Variants in PTGIS observed in about 807,000 individuals in gnomAD.
The protein encoded by PTGIS is prostacyclin synthase.
A neutral mutation model predicts 50.3 loss-of-function variants in PTGIS; 45 were observed. The ratio of observed to expected loss-of-function variants is 0.90; its 90% CI spans 0.70 to 1.15. PTGIS has a LOEUF of 1.15. Among genes scored for constraint, PTGIS ranks in the 50% most tolerant of loss-of-function variants. PTGIS has a pLI of 0.00. For synonymous variants in PTGIS, 260 were observed against 267.7 expected, an observed-to-expected ratio of 0.97 and a Z score of 0.28; for missense variants, 668 against 661.3, an observed-to-expected ratio of 1.01 and a Z score of -0.11.
intron 3 of PTGIS, among the ~76,000 whole-genome samples, chr20:49,546,797 A>G (rs530449675): frequency 6.6e-6 from 1 of 152,360 alleles, no homozygotes; most frequent in East Asian, 1.9e-4. Flanking sequence ...CACCTGGCCT[A>G]TAATAGCTGC....
intron 1 of PTGIS, among the ~76,000 whole-genome samples, chr20:49,557,078 TTTTG>T (rs1426855023): frequency 5.9e-5 from 9 of 152,342 alleles, no homozygotes; most frequent in Non-Finnish European, 8.8e-5. Context: ...GTTCTTTCTT[TTTTG>T]TTTATCTGCT....
At chr20:49,523,961 A>G in intron 6 of PTGIS, 97 bp downstream of exon 6, 2 of 1,442,986 alleles carry the variant, frequency 1.4e-6, no homozygotes, top group South Asian at 2.4e-5. Flanking sequence ...AGTCATGTGC[A>G]CACCTGCACA....
At chr20:49,558,529 C>T (rs529045765) in intron 1 of PTGIS, among the ~76,000 whole-genome samples, 2 of 152,262 alleles carry the variant, frequency 1.3e-5, no homozygotes, top group East Asian at 3.9e-4. Context: ...CAAGCATAGA[C>T]TTACTACAAG....
Position 49,507,905 on chromosome 20 carries a change from C to T in PTGIS, c.*15G>A. The T allele has an allele frequency of 6.2e-7, 1 of 1,610,064 alleles. No homozygotes were observed. Among genetic ancestry groups the T allele is most frequent in the African/African-American group, 1.3e-5 (1 of 75,066 alleles). ...CTGGGCAGAGGCGAGCACGTGGATC[C>T]ATCTGCTCCCTGTGTCATGGGCGGA... On this transcript the variant is annotated 3_prime_UTR_variant, in exon 10 of 10. Coordinates refer to ENST00000244043, the MANE Select transcript of PTGIS (RefSeq NM_000961.4).
chr20:49,568,117 C>CGCGGGGCTGGCGGGACTG lies in PTGIS; in HGVS notation c.-2_-1insCAGTCCCGCCAGCCCCGC. 1.3e-6 allele frequency: 1 copy of CGCGGGGCTGGCGGGACTG among 784,882 alleles called. No individual in the cohort carries two copies. Among genetic ancestry groups the CGCGGGGCTGGCGGGACTG allele is most frequent in the Non-Finnish European group, 1.8e-6 (1 of 568,998 alleles). The allele number at this position is 784,882 out of a possible 1,614,324, so 48.6% of individuals were successfully genotyped here. On this transcript the variant is annotated 5_prime_UTR_variant, in exon 1 of 10. Transcript: ENST00000244043. Reference sequence around the variant, plus strand: ...GGCCGAGGAGCGCGGCCCAAGCCATCGCGGGGCTGGCGGGGCTGGCGGGGC... The same window carrying CGCGGGGCTGGCGGGACTG: ...GGCCGAGGAGCGCGGCCCAAGCCATCGCGGGGCTGGCGGGACTGGCGGGGCTGGCGGGGCTGGCGGGGC...
intron 8 of PTGIS, among the ~76,000 whole-genome samples, chr20:49,512,854 G>A (rs922094876): frequency 6.6e-5 from 10 of 152,106 alleles, no homozygotes; most frequent in Admixed American, 6.5e-4. Flanking sequence ...ATCAATATCT[G>A]CTTATGCATG....
At chr20:49,559,515 T>C (rs1982710039) in intron 1 of PTGIS, among the ~76,000 whole-genome samples, 1 of 152,210 alleles carries the variant, frequency 6.6e-6, no homozygotes, top group African/African-American at 2.4e-5. Flanking sequence ...ACAGCAGCAT[T>C]ATTCGTAATA....
At chr20:49,523,342 A>AAG (rs551622097) in intron 6 of PTGIS, among the ~76,000 whole-genome samples, 296 of 152,008 alleles carry the variant, frequency 1.9e-3, no homozygotes, top group South Asian at 3.9e-3. Context: ...AAGAGAGCAT[A>AAG]AGAGAGAGAG....
rs935997167 is a variant in PTGIS at position 49,550,308 on chromosome 20, G to A, written c.75-119C>T. Reference sequence around the variant, plus strand: ...GGGAGGTAATCTGAATGGAGCACTCGGGGACTATTGCCTCACCTGCTCCTT... The same window carrying A: ...GGGAGGTAATCTGAATGGAGCACTCAGGGACTATTGCCTCACCTGCTCCTT... On this transcript the variant is annotated intron_variant, in intron 1 of 9. Transcript: ENST00000244043. 3.3e-5 allele frequency: 44 copies of A among 1,316,762 alleles called. No individual in the cohort carries two copies. The Middle Eastern group carries it at 1.0e-3, about 31-fold the overall frequency. 81.6% of individuals were successfully genotyped at this position (1,316,762 alleles called of 1,614,324 possible).
In PTGIS at chr20:49,530,700, T is replaced by C. The variant is rs932280570; in HGVS notation, c.674-6461A>G. ...ACCTTTTCATACCTGTTGCCATTTG[T>C]ATGTCTTCTTTGGGAAAAATGCCTA... On this transcript the variant is annotated intron_variant, in intron 5 of 9. Coordinates refer to ENST00000244043, the MANE Select transcript of PTGIS (RefSeq NM_000961.4). 2.6e-5 allele frequency among the ~76,000 whole-genome samples: 4 copies of C among 152,346 alleles called. No individual in the cohort carries two copies. In the East Asian group the frequency reaches 7.7e-4, roughly 29 times the overall value.
intron 4 of PTGIS, among the ~76,000 whole-genome samples, chr20:49,543,427 C>G (rs1468845746): frequency 1.3e-5 from 2 of 152,186 alleles, no homozygotes; most frequent in African/African-American, 4.8e-5. Flanking sequence ...TGCCCCTGTG[C>G]AAACCCCTGA....
chr20:49,552,330 T>C (rs1194326286), intron 1 of PTGIS, among the ~76,000 whole-genome samples: 1 of 152,192 alleles, frequency 6.6e-6, no homozygotes, highest in Admixed American at 6.5e-5. Context: ...GGATTCAGTG[T>C]GGACTCTGCC....
In PTGIS at chr20:49,506,833, A is replaced by C. The variant is rs1051912521; in HGVS notation, c.*1087T>G. 2.6e-5 allele frequency: 4 copies of C among 152,262 alleles called. No individual in the cohort carries two copies. The highest frequency in any genetic ancestry group is 4.4e-5 in the Non-Finnish European group (3 of 68,098). The allele number at this position is 152,262 out of a possible 1,614,324, so 9.4% of individuals were successfully genotyped here. On this transcript the variant is annotated 3_prime_UTR_variant, in exon 10 of 10. Transcript: ENST00000244043. ...GGTCCAGGAGGCGCTGTGAATGCAG[A>C]AGCAGACCCGGTCAGAACCCTGGTG... is the stretch of plus-strand genomic sequence containing the variant.
intron 4 of PTGIS, 81 bp downstream of exon 4, chr20:49,544,224 G>A (rs1387326634): frequency 5.7e-6 from 9 of 1,576,820 alleles, no homozygotes; most frequent in Non-Finnish European, 6.9e-6. Flanking sequence ...GAGTCCTCAC[G>A]GTTCCCTTGG....
At position 49,507,894 on chromosome 20, in the gene PTGIS, G is replaced by T; in HGVS notation, c.*26C>A. On this transcript the variant is annotated 3_prime_UTR_variant, in exon 10 of 10. Transcript: ENST00000244043. ...GCTGGGGCAGGCTGGGCAGAGGCGA[G>T]CACGTGGATCCATCTGCTCCCTGTG... The T allele has an allele frequency of 1.2e-6, 2 of 1,608,112 alleles. No homozygotes were observed. The highest frequency in any genetic ancestry group is 1.7e-6 in the Non-Finnish European group (2 of 1,179,984).
intron 6 of PTGIS, 101 bp downstream of exon 6, chr20:49,523,957 G>A (rs1038105250): frequency 7.1e-7 from 1 of 1,415,970 alleles, no homozygotes; most frequent in Non-Finnish European, 9.8e-7. Context: ...GCATAGTCAT[G>A]TGCACACCTG....
intron 1 of PTGIS, among the ~76,000 whole-genome samples, chr20:49,562,718 C>T (rs894349609): frequency 4.6e-5 from 7 of 152,220 alleles, no homozygotes; most frequent in African/African-American, 1.7e-4. Context: ...CCGACTGGAG[C>T]CCCATCACAT....
intron 6 of PTGIS, among the ~76,000 whole-genome samples, chr20:49,517,747 G>T (rs902433701): frequency 2.0e-5 from 3 of 152,160 alleles, no homozygotes; most frequent in African/African-American, 7.2e-5. Context: ...TGACAACATG[G>T]CCCATCAGTG....
rs543007820 is a variant in PTGIS at position 49,504,251 on chromosome 20, G to A, written c.*3669C>T. Reference sequence around the variant, plus strand: ...CACTTGCTTATCTCGTTTTGTAACAGAGAAGAGAGAGCTCTCAGCCTTGGC... The same window carrying A: ...CACTTGCTTATCTCGTTTTGTAACAAAGAAGAGAGAGCTCTCAGCCTTGGC... On this transcript the variant is annotated 3_prime_UTR_variant, in exon 10 of 10. Coordinates refer to ENST00000244043, the MANE Select transcript of PTGIS (RefSeq NM_000961.4). 2 of 152,246 alleles carry A rather than the reference G, an allele frequency of 1.3e-5. No individual in the cohort carries two copies. The highest frequency in any genetic ancestry group is 4.8e-5 in the African/African-American group (2 of 41,474). The allele number at this position is 152,246 out of a possible 1,614,324, so 9.4% of individuals were successfully genotyped here.
Sources: allele counts gnomAD v4.1 joint callset (sites outside exome capture counted in the v4.1 genomes callset), GRCh38; gene constraint gnomAD v4.1.1; transcripts MANE v1.5; gene names NCBI Gene and HGNC (gene_info 2026-07-23, HGNC 2026-07-21).